TTC7B: variants seen among roughly 807,000 people sequenced by gnomAD.
TTC7B encodes the protein tetratricopeptide repeat domain 7B.
Under a neutral mutation model 106.8 loss-of-function variants are expected in TTC7B, and 28 were observed. The observed-to-expected ratio is 0.26, with a 90% CI of 0.19 to 0.36. The LOEUF (loss-of-function observed/expected upper bound fraction) is 0.36, where lower values mean the gene tolerates loss of function less well. Among genes scored for constraint, TTC7B ranks in the 10% least tolerant of loss-of-function variants. The pLI, the probability that TTC7B is intolerant of heterozygous loss-of-function variation, is 1.00. For synonymous variants in TTC7B, 405 were observed against 430.6 expected (o/e 0.94, Z 0.74); for missense variants, 862 against 1,076.4 (o/e 0.80, Z 2.79).
At chr14:90,756,815 T>G (rs1379248481) in intron 3 of TTC7B, among the ~76,000 whole-genome samples, 1 of 148,988 alleles carries the variant, frequency 6.7e-6, no homozygotes, top group African/African-American at 2.5e-5. Context: ...CTGAGCTTCC[T>G]CTGGACTCTC....
rs536238705 is a variant in TTC7B, at chr14:90,742,965, T to C, written c.576+1827A>G. Among the ~76,000 whole-genome samples, 15 of 152,324 alleles carry C rather than the reference T, an allele frequency of 9.8e-5. No individual in the cohort carries two copies. Among genetic ancestry groups the C allele is most frequent in the African/African-American group, 3.6e-4 (15 of 41,572 alleles). On this transcript the variant is annotated intron_variant, in intron 4 of 19. Coordinates refer to ENST00000328459, the MANE Select transcript of TTC7B (RefSeq NM_001010854.2). The surrounding 1 kb of genome is among the most constrained non-coding windows in gnomAD (Gnocchi z 4.1). ...ATAGGGCCCTAAGTGGCCAGGGCTGTGTAGTCAGCTGGAACAACTCAGATG... is the reference window on the plus strand; with the variant it reads ...ATAGGGCCCTAAGTGGCCAGGGCTGCGTAGTCAGCTGGAACAACTCAGATG...
intron 4 of TTC7B, among the ~76,000 whole-genome samples, chr14:90,735,317 G>A (rs1595334748): frequency 6.6e-6 from 1 of 152,180 alleles, no homozygotes; most frequent in African/African-American, 2.4e-5. Context: ...ACCAGTCTGG[G>A]CAACATGGTG....
chr14:90,598,148 G>A (rs547751056), intron 17 of TTC7B, among the ~76,000 whole-genome samples: 108 of 152,262 alleles, frequency 7.1e-4, no homozygotes, highest in African/African-American at 2.4e-3. Context: ...GCCTCTCCCC[G>A]CAGTCACAGG....
At chr14:90,638,050 C>T (rs1885018949) in intron 15 of TTC7B, among the ~76,000 whole-genome samples, 1 of 144,096 alleles carries the variant, frequency 6.9e-6, no homozygotes, top group Admixed American at 7.0e-5. Context: ...TCTGGCTACC[C>T]TTTTTTTTTT....
intron 15 of TTC7B, among the ~76,000 whole-genome samples, chr14:90,631,436 T>C (rs1884698860): frequency 6.6e-6 from 1 of 151,006 alleles, no homozygotes; most frequent in Admixed American, 6.6e-5. Context: ...TGAGACAGAT[T>C]CTCGCTCTGT....
At chr14:90,809,134 C>T (rs2030761391) in intron 1 of TTC7B, among the ~76,000 whole-genome samples, 1 of 152,190 alleles carries the variant, frequency 6.6e-6, no homozygotes, top group Admixed American at 6.5e-5. Context: ...CTTGGGTCTG[C>T]CTTACTCCTG....
chr14:90,695,058 AT>A (rs1462466552), intron 6 of TTC7B, among the ~76,000 whole-genome samples: 4,562 of 109,112 alleles, frequency 0.042, 32 homozygotes, highest in East Asian at 0.086. Flanking sequence ...AATATATTTT[AT>A]TTTATTATAA....
At chr14:90,724,441 G>A (rs1889011573) in intron 5 of TTC7B, among the ~76,000 whole-genome samples, 1 of 152,104 alleles carries the variant, frequency 6.6e-6, no homozygotes, top group Non-Finnish European at 1.5e-5. Context: ...ATGGGGCCTG[G>A]TAGGGGGTGA....
At chr14:90,574,799 C>T (rs1482102189) in intron 19 of TTC7B, among the ~76,000 whole-genome samples, 1 of 152,224 alleles carries the variant, frequency 6.6e-6, no homozygotes, top group East Asian at 1.9e-4. Context: ...CCCCCACTGA[C>T]TGCTTGTCCC....
At chr14:90,640,287 G>A (rs1885119256) in intron 15 of TTC7B, among the ~76,000 whole-genome samples, 1 of 137,708 alleles carries the variant, frequency 7.3e-6, no homozygotes. Context: ...AAAAAAAAAA[G>A]AGAGAGAGAA....
Position 90,535,910 on chromosome 14 carries a change from TAG to T in TTC7B, c.*5456_*5457del, listed in dbSNP as rs1202337376. The T allele has an allele frequency of 3.3e-5, 5 of 152,366 alleles. No individual in the cohort carries two copies. The highest frequency in any genetic ancestry group is 5.9e-5 in the Non-Finnish European group (4 of 68,126). The allele number at this position is 152,366 out of a possible 1,614,324, so 9.4% of individuals were successfully genotyped here. On this transcript the variant is annotated 3_prime_UTR_variant, in exon 20 of 20. Coordinates refer to ENST00000328459, the MANE Select transcript of TTC7B (RefSeq NM_001010854.2). ...GCTGAGCGTGAGCTCACTTGCACTTTAGAGTTTCTTCTGGTGAGGACGCCAAT... is the reference window on the plus strand; with the variant it reads ...GCTGAGCGTGAGCTCACTTGCACTTTAGTTTCTTCTGGTGAGGACGCCAAT...
intron 5 of TTC7B, among the ~76,000 whole-genome samples, chr14:90,709,717 G>GA (rs1161986652): frequency 1.3e-5 from 2 of 150,704 alleles, no homozygotes; most frequent in Non-Finnish European, 3.0e-5. Flanking sequence ...TTCTCAACCT[G>GA]AAAAAAAAGA....
At chr14:90,559,447 C>T (rs1475091437) in intron 19 of TTC7B, among the ~76,000 whole-genome samples, 1 of 152,232 alleles carries the variant, frequency 6.6e-6, no homozygotes, top group African/African-American at 2.4e-5. Context: ...GCAGCTCTGG[C>T]TTCTCAGGAG....
At chr14:90,634,167 G>A (rs548478641) in intron 15 of TTC7B, among the ~76,000 whole-genome samples, 16 of 152,172 alleles carry the variant, frequency 1.1e-4, no homozygotes, top group African/African-American at 1.7e-4. Flanking sequence ...ATGAGCCACC[G>A]CGCCTGGCCC....
At chr14:90,688,556 G>A (rs1472025856) in intron 7 of TTC7B, among the ~76,000 whole-genome samples, 3 of 146,288 alleles carry the variant, frequency 2.1e-5, no homozygotes, top group South Asian at 4.3e-4. Context: ...CCAGGAGGTG[G>A]AGGTTGCAGT....
At chr14:90,733,082 T>C (rs1461283984) in intron 4 of TTC7B, among the ~76,000 whole-genome samples, 1 of 152,202 alleles carries the variant, frequency 6.6e-6, no homozygotes, top group Non-Finnish European at 1.5e-5. Context: ...TAGTGCAGGA[T>C]AAGCATTCAA....
At chr14:90,760,786 C>G (rs1890474024) in intron 3 of TTC7B, among the ~76,000 whole-genome samples, 1 of 152,232 alleles carries the variant, frequency 6.6e-6, no homozygotes, top group African/African-American at 2.4e-5. Flanking sequence ...GGGTTTTAAC[C>G]AAGTCCTGCA....
In TTC7B at chr14:90,759,528, GA is replaced by G. The variant is rs1449228408; in HGVS notation, c.446-14607del. Among the ~76,000 whole-genome samples, 2 of 152,138 alleles carry G rather than the reference GA, an allele frequency of 1.3e-5. No individual in the cohort carries two copies. Among genetic ancestry groups the G allele is most frequent in the Non-Finnish European group, 2.9e-5 (2 of 68,030 alleles). On this transcript the variant is annotated intron_variant, in intron 3 of 19. Transcript: ENST00000328459. This position sits in a 1 kb window ranked among gnomAD's most constrained non-coding sequence, Gnocchi z 4.1. Reference sequence around the variant, plus strand: ...GGCCACCACCACACATTGCAGAGGCGAAAACTGCATTAAGGAGGCCCAGAGA... The same window carrying G: ...GGCCACCACCACACATTGCAGAGGCGAAACTGCATTAAGGAGGCCCAGAGA...
chr14:90,573,647 T>G (rs1595170468), intron 19 of TTC7B, among the ~76,000 whole-genome samples: 1 of 146,242 alleles, frequency 6.8e-6, no homozygotes, highest in Admixed American at 6.8e-5. Flanking sequence ...TTCGGGCTCA[T>G]GGTCCCTCTC....
Sources: gnomAD v4.1 joint callset for allele counts (sites outside exome capture counted in the v4.1 genomes callset) on GRCh38, gnomAD v4.1.1 for gene constraint, Gnocchi (gnomAD v3.1) non-coding constraint, MANE v1.5 for transcripts, NCBI Gene and HGNC (gene_info 2026-07-23, HGNC 2026-07-21) for gene names.